The following MARCHF3 variants were observed in gnomAD, a reference collection of about 807,000 sequenced individuals.
MARCHF3 encodes the protein membrane associated ring-CH-type finger 3.
In MARCHF3, 13 loss-of-function variants were observed where a neutral mutation model predicts 24.2. The ratio of observed to expected loss-of-function variants is 0.54; its 90% CI spans 0.35 to 0.85. MARCHF3 has a LOEUF of 0.85. Among genes scored for constraint, MARCHF3 ranks in the 40% least tolerant of loss-of-function variants. MARCHF3 has a pLI of 0.01. For synonymous variants in MARCHF3, 144 were observed against 137.3 expected (o/e 1.05, Z -0.34); for missense variants, 276 against 325.0 (o/e 0.85, Z 1.16).
At chr5:126,888,071 G>C (rs1374443100) in intron 3 of MARCHF3, among the ~76,000 whole-genome samples, 3 of 152,282 alleles carry the variant, frequency 2.0e-5, no homozygotes, top group Non-Finnish European at 2.9e-5. Context: ...ATAAATATTA[G>C]CTGAAGAAAT....
At chr5:126,909,072 A>T (rs1754409375) in intron 3 of MARCHF3, among the ~76,000 whole-genome samples, 1 of 151,888 alleles carries the variant, frequency 6.6e-6, no homozygotes, top group Non-Finnish European at 1.5e-5. Flanking sequence ...CTGTTGGAGT[A>T]CCCGGCCGTG....
rs144169394 is a variant in MARCHF3, at chr5:126,943,596, A to AC, written c.-56-25370dup. On this transcript the variant is annotated intron_variant, in intron 1 of 4. Coordinates refer to ENST00000308660, the MANE Select transcript of MARCHF3 (RefSeq NM_178450.5). ...AGATCTCATCTCCAAAAAAAAAAAAACCCCTCAAAATATTAAATATTCACT... is the reference window on the plus strand; with the variant it reads ...AGATCTCATCTCCAAAAAAAAAAAAACCCCCTCAAAATATTAAATATTCACT... Among the ~76,000 whole-genome samples, 1,282 of 151,252 alleles carry AC rather than the reference A, an allele frequency of 8.5e-3. 16 individuals are homozygous for AC. The highest frequency in any genetic ancestry group is 0.03 in the African/African-American group (1,237 of 41,226).
chr5:126,899,049 A>G (rs190312963), intron 3 of MARCHF3: 1 of 985,290 alleles, frequency 1.0e-6, no homozygotes. Flanking sequence ...TCACATATCC[A>G]TCACAGTGTA....
At chr5:126,947,128 AAAC>A (rs1300907437) in intron 1 of MARCHF3, among the ~76,000 whole-genome samples, 8 of 152,166 alleles carry the variant, frequency 5.3e-5, no homozygotes, top group Non-Finnish European at 7.3e-5. Flanking sequence ...TTGGCAGAAA[AAAC>A]AAGCACCCCA....
At chr5:126,945,040 G>C (rs544834184) in intron 1 of MARCHF3, among the ~76,000 whole-genome samples, 2 of 151,818 alleles carry the variant, frequency 1.3e-5, no homozygotes, top group South Asian at 4.2e-4. Flanking sequence ...CTTTTTATTT[G>C]CTGAGGAGAT....
intron 1 of MARCHF3, among the ~76,000 whole-genome samples, chr5:127,012,221 T>G (rs913030499): frequency 6.6e-6 from 1 of 152,232 alleles, no homozygotes; most frequent in South Asian, 2.1e-4. Context: ...ATGAAATGTT[T>G]CAAATGATTT....
At chr5:126,909,564 G>A (rs1008623176) in intron 3 of MARCHF3, among the ~76,000 whole-genome samples, 16 of 152,220 alleles carry the variant, frequency 1.1e-4, no homozygotes, top group African/African-American at 3.6e-4. Flanking sequence ...CAGTATTCGG[G>A]TGGGAGTGAC....
rs539404442 is a variant in MARCHF3, at chr5:127,004,847, GA to G, written c.-57+25502del. Among the ~76,000 whole-genome samples, 312 of 152,074 alleles carry G rather than the reference GA, an allele frequency of 2.1e-3. 1 individual carries two copies. The highest frequency in any genetic ancestry group is 7.1e-3 in the African/African-American group (296 of 41,430). ...GCATATTAGAAAAAGCAGAGGGCAC[GA>G]AAGCAAGTAACTGAGACCCAATTCA... On this transcript the variant is annotated intron_variant, in intron 1 of 4. Coordinates refer to ENST00000308660, the MANE Select transcript of MARCHF3 (RefSeq NM_178450.5).
chr5:126,999,273 A>G (rs979011394), intron 1 of MARCHF3, among the ~76,000 whole-genome samples: 2 of 152,156 alleles, frequency 1.3e-5, no homozygotes, highest in Non-Finnish European at 2.9e-5. Flanking sequence ...CAGATGGCAG[A>G]CTTTTTTTTC....
intron 1 of MARCHF3, among the ~76,000 whole-genome samples, chr5:126,985,575 T>C (rs937952761): frequency 2.0e-5 from 3 of 151,562 alleles, no homozygotes; most frequent in African/African-American, 7.3e-5. Context: ...GTTCAAGCAA[T>C]TCCCCTGCCT....
At chr5:126,881,015 A>G (rs143761023) in intron 3 of MARCHF3, among the ~76,000 whole-genome samples, 7 of 152,264 alleles carry the variant, frequency 4.6e-5, no homozygotes, top group Admixed American at 2.0e-4. Context: ...TTAGATATGG[A>G]AGGAGGGGAG....
intron 3 of MARCHF3, among the ~76,000 whole-genome samples, chr5:126,910,501 G>C (rs1425705067): frequency 1.3e-5 from 2 of 152,208 alleles, no homozygotes; most frequent in Non-Finnish European, 2.9e-5. Context: ...CCTGAACGGA[G>C]GGACCGGCTG....
intron 1 of MARCHF3, among the ~76,000 whole-genome samples, chr5:126,996,936 T>C (rs542753105): frequency 2.6e-5 from 4 of 152,290 alleles, no homozygotes; most frequent in African/African-American, 9.6e-5. Flanking sequence ...GGAGGGTGCA[T>C]ACAAACTGTT....
intron 3 of MARCHF3, among the ~76,000 whole-genome samples, chr5:126,909,636 C>T (rs1014349247): frequency 1.3e-5 from 2 of 152,186 alleles, no homozygotes; most frequent in African/African-American, 4.8e-5. Context: ...CTCCCTGACC[C>T]CTTGCACTTC....
intron 1 of MARCHF3, among the ~76,000 whole-genome samples, chr5:127,016,962 C>G (rs984556776): frequency 6.6e-6 from 1 of 152,162 alleles, no homozygotes; most frequent in African/African-American, 2.4e-5. Context: ...ATGTCCTTTG[C>G]AGGGACATGG....
rs111741813 is a variant in MARCHF3, at chr5:126,980,934, A to G, written c.-57+49416T>C. Among the ~76,000 whole-genome samples the G allele has an allele frequency of 2.4e-3, 358 of 152,328 alleles. 1 individual carries two copies. Among genetic ancestry groups the G allele is most frequent in the African/African-American group, 7.8e-3 (323 of 41,562 alleles). ...TTTTTAGACTATCTGTGGATTTCCA[A>G]TATTCCATCCATGGCCCCAGACTGA... On this transcript the variant is annotated intron_variant, in intron 1 of 4. Transcript: ENST00000308660.
chr5:126,933,221 A>G (rs572331363), intron 1 of MARCHF3, among the ~76,000 whole-genome samples: 84 of 152,320 alleles, frequency 5.5e-4, no homozygotes, highest in African/African-American at 2.0e-3. Context: ...ATTAAGTTCT[A>G]CTTTCAAGGT....
intron 1 of MARCHF3, among the ~76,000 whole-genome samples, chr5:127,015,217 A>G (rs181326462): frequency 6.0e-4 from 92 of 152,332 alleles, no homozygotes; most frequent in African/African-American, 2.1e-3. Context: ...AGTTTAGCTC[A>G]GAAGTATATT....
chr5:127,016,953 T>G (rs1397613733), intron 1 of MARCHF3, among the ~76,000 whole-genome samples: 4 of 152,226 alleles, frequency 2.6e-5, no homozygotes. Context: ...GATGAGTTCA[T>G]GTCCTTTGCA....
Sources: allele counts gnomAD v4.1 joint callset (sites outside exome capture counted in the v4.1 genomes callset), GRCh38; gene constraint gnomAD v4.1.1; transcripts MANE v1.5; gene names NCBI Gene and HGNC (gene_info 2026-07-23, HGNC 2026-07-21).